The following NKAIN2 variants were observed in gnomAD, a reference collection of about 807,000 sequenced individuals.
The protein encoded by NKAIN2 is sodium/potassium-transporting ATPase subunit beta-1-interacting protein 2.
A neutral mutation model predicts 32.6 loss-of-function variants in NKAIN2; 14 were observed. That is an observed-to-expected ratio of 0.43 (90% CI 0.28 to 0.67). The LOEUF (loss-of-function observed/expected upper bound fraction) is 0.67, where lower values mean the gene tolerates loss of function less well. Among genes scored for constraint, NKAIN2 ranks in the 30% least tolerant of loss-of-function variants. NKAIN2 has a pLI of 0.17. For synonymous variants in NKAIN2, 80 were observed against 87.2 expected, an observed-to-expected ratio of 0.92 and a Z score of 0.46; for missense variants, 198 against 258.3, an observed-to-expected ratio of 0.77 and a Z score of 1.60.
chr6:124,217,828 G>T (rs34989488), intron 1 of NKAIN2, among the ~76,000 whole-genome samples: 3,154 of 151,938 alleles, frequency 0.021, 33 homozygotes, highest in Non-Finnish European at 0.031. Context: ...TCTATATATA[G>T]AGAGAGATAT....
At chr6:124,579,285 A>G (rs1014463621) in intron 3 of NKAIN2, among the ~76,000 whole-genome samples, 3 of 152,238 alleles carry the variant, frequency 2.0e-5, no homozygotes, top group Non-Finnish European at 4.4e-5. Flanking sequence ...AATACTGGAG[A>G]GACAGAGATA....
chr6:124,387,718 C>T (rs988223318), intron 3 of NKAIN2, among the ~76,000 whole-genome samples: 8 of 151,934 alleles, frequency 5.3e-5, no homozygotes, highest in South Asian at 2.1e-4. Context: ...ACCTATTTTT[C>T]GCCTTTTAAA....
At chr6:123,884,649 A>G (rs1021320239) in intron 1 of NKAIN2, among the ~76,000 whole-genome samples, 10 of 152,100 alleles carry the variant, frequency 6.6e-5, no homozygotes, top group Admixed American at 1.3e-4. Context: ...TGTATTTCTG[A>G]TAATTTGTTT....
intron 3 of NKAIN2, among the ~76,000 whole-genome samples, chr6:124,382,904 T>A (rs1046036361): frequency 1.6e-4 from 24 of 152,152 alleles, no homozygotes; most frequent in African/African-American, 5.5e-4. Flanking sequence ...ATGATATCTG[T>A]TAGTTTTCTG....
chr6:124,664,997 A>C lies in NKAIN2; in HGVS notation c.474+6611A>C, dbSNP rs183715745. 3.4e-4 allele frequency among the ~76,000 whole-genome samples: 51 copies of C among 152,170 alleles called. No homozygotes were observed. In the East Asian group the frequency reaches 8.1e-3, roughly 24 times the overall value. ...ATTTCATTGGATTTATTTAAAAGAAAAATGTAGTAGGTCCCTTTAACATCT... is the reference window on the plus strand; with the variant it reads ...ATTTCATTGGATTTATTTAAAAGAACAATGTAGTAGGTCCCTTTAACATCT... On this transcript the variant is annotated intron_variant, in intron 4 of 6. Coordinates refer to ENST00000368417, the MANE Select transcript of NKAIN2 (RefSeq NM_001040214.3).
chr6:124,346,767 A>T (rs969840491), intron 2 of NKAIN2, among the ~76,000 whole-genome samples: 1 of 151,920 alleles, frequency 6.6e-6, no homozygotes, highest in Non-Finnish European at 1.5e-5. Flanking sequence ...CAGCACAATG[A>T]TGGGTCTTGA....
intron 1 of NKAIN2, among the ~76,000 whole-genome samples, chr6:123,944,029 CTT>C (rs1231426005): frequency 6.6e-6 from 1 of 151,924 alleles, no homozygotes; most frequent in African/African-American, 2.4e-5. Flanking sequence ...CAAAGGGAGT[CTT>C]TGATGTTCTC....
chr6:124,641,576 G>A (rs1317365751), intron 3 of NKAIN2, among the ~76,000 whole-genome samples: 1 of 30,072 alleles, frequency 3.3e-5, no homozygotes, highest in Non-Finnish European at 6.4e-5. Flanking sequence ...TTTTGAGACA[G>A]TGTCTTGCTC....
intron 3 of NKAIN2, among the ~76,000 whole-genome samples, chr6:124,575,425 A>G (rs1583462930): frequency 6.6e-6 from 1 of 152,336 alleles, no homozygotes; most frequent in South Asian, 2.1e-4. Context: ...GAAACCCACA[A>G]TGGTGCAAGC....
chr6:124,354,182 G>T (rs1469513668), intron 2 of NKAIN2, among the ~76,000 whole-genome samples: 3 of 152,014 alleles, frequency 2.0e-5, no homozygotes, highest in Non-Finnish European at 2.9e-5. Flanking sequence ...CCCAGGACAG[G>T]TTATGTACTC....
At chr6:123,980,700 T>G (rs1778848142) in intron 1 of NKAIN2, among the ~76,000 whole-genome samples, 1 of 140,916 alleles carries the variant, frequency 7.1e-6, no homozygotes, top group South Asian at 2.4e-4. Context: ...GGCTTTTGAA[T>G]GTTCAAGTCA....
chr6:124,031,403 A>G (rs565534494), intron 1 of NKAIN2, among the ~76,000 whole-genome samples: 7 of 152,146 alleles, frequency 4.6e-5, no homozygotes, highest in Admixed American at 1.3e-4. Flanking sequence ...CTGTGTCTCT[A>G]TCTCCTTCAG....
At chr6:124,372,356 G>C (rs1407526) in intron 3 of NKAIN2, among the ~76,000 whole-genome samples, 129,236 of 152,062 alleles carry the variant, frequency 0.85, 55,157 homozygotes, top group African/African-American at 0.93. Flanking sequence ...TATGTGACAT[G>C]TATCACCCCT....
intron 4 of NKAIN2, among the ~76,000 whole-genome samples, chr6:124,691,968 A>C (rs914128630): frequency 3.9e-5 from 6 of 152,234 alleles, no homozygotes; most frequent in African/African-American, 1.4e-4. Context: ...CTTCATGATC[A>C]TCAAATGATA....
chr6:124,028,736 C>G (rs948390536), intron 1 of NKAIN2, among the ~76,000 whole-genome samples: 1 of 142,566 alleles, frequency 7.0e-6, no homozygotes, highest in Non-Finnish European at 1.5e-5. Context: ...CGTGTATACA[C>G]GTATATATGT....
At chr6:124,324,513 A>G (rs1282930844) in intron 2 of NKAIN2, among the ~76,000 whole-genome samples, 2 of 152,172 alleles carry the variant, frequency 1.3e-5, no homozygotes, top group Admixed American at 1.3e-4. Flanking sequence ...ATAGAAAATT[A>G]TAAGTAGATT....
At chr6:123,970,579 T>C (rs1778293612) in intron 1 of NKAIN2, among the ~76,000 whole-genome samples, 1 of 152,114 alleles carries the variant, frequency 6.6e-6, no homozygotes, top group African/African-American at 2.4e-5. Context: ...CATTGTTCTT[T>C]AGAAATATTT....
At chr6:123,864,135 G>C (rs981164026) in intron 1 of NKAIN2, among the ~76,000 whole-genome samples, 4 of 152,068 alleles carry the variant, frequency 2.6e-5, no homozygotes, top group African/African-American at 9.7e-5. Flanking sequence ...GCATGAGAAA[G>C]CTATAAAAAA....
intron 3 of NKAIN2, among the ~76,000 whole-genome samples, chr6:124,360,091 G>T (rs958144412): frequency 1.3e-5 from 2 of 152,194 alleles, no homozygotes; most frequent in African/African-American, 4.8e-5. Flanking sequence ...ATTTGCGAAT[G>T]TTGAACCAGC....
Sources: allele counts gnomAD v4.1 joint callset (sites outside exome capture counted in the v4.1 genomes callset), GRCh38; gene constraint gnomAD v4.1.1; transcripts MANE v1.5; gene names NCBI Gene and HGNC (gene_info 2026-07-23, HGNC 2026-07-21).